The following PBX1 variants were observed in gnomAD, a reference collection of about 807,000 sequenced individuals.
PBX1 encodes PBX homeobox 1.
PBX1 carries 6 observed loss-of-function variants against 53.4 expected under a neutral mutation model. The observed-to-expected ratio is 0.11, with a 90% CI of 0.06 to 0.22. The LOEUF (loss-of-function observed/expected upper bound fraction) is 0.22, where lower values mean the gene tolerates loss of function less well. Among genes scored for constraint, PBX1 ranks in the 10% least tolerant of loss-of-function variants. The probability of loss-of-function intolerance (pLI) is 1.00; values close to 1 mark genes in which losing one functional copy is unlikely to be tolerated. For missense variants in PBX1, 251 were observed against 551.4 expected, an observed-to-expected ratio of 0.46 and a Z score of 5.46; for synonymous variants, 204 against 212.3, an observed-to-expected ratio of 0.96 and a Z score of 0.34.
intron 2 of PBX1, among the ~76,000 whole-genome samples, chr1:164,587,083 G>A (rs1248185689): frequency 6.6e-6 from 1 of 152,158 alleles, no homozygotes; most frequent in Non-Finnish European, 1.5e-5. Flanking sequence ...ATAGGGTGTT[G>A]TTTGTGTGTG....
intron 2 of PBX1, among the ~76,000 whole-genome samples, chr1:164,563,707 A>G (rs1448131131): frequency 2.0e-5 from 3 of 152,124 alleles, no homozygotes; most frequent in African/African-American, 7.2e-5. Context: ...GGGGTGCTAA[A>G]CTGTTGAAAG....
intron 2 of PBX1, among the ~76,000 whole-genome samples, chr1:164,635,371 A>T (rs1013967836): frequency 9.2e-5 from 14 of 152,186 alleles, no homozygotes; most frequent in Admixed American, 2.6e-4. Context: ...AAAGCAGTCA[A>T]ATGCAAAGCA....
chr1:164,854,921 A>G (rs1265442813), downstream of PBX1, among the ~76,000 whole-genome samples: 1 of 146,712 alleles, frequency 6.8e-6, no homozygotes, highest in African/African-American at 2.5e-5. Flanking sequence ...AGCTCACCAG[A>G]GTTATCCTCC....
chr1:164,599,304 CT>C (rs1360242342), intron 2 of PBX1, among the ~76,000 whole-genome samples: 1 of 151,682 alleles, frequency 6.6e-6, no homozygotes, highest in African/African-American at 2.4e-5. Context: ...AGGTATAATT[CT>C]TTCTTAATAG....
intron 2 of PBX1, among the ~76,000 whole-genome samples, chr1:164,644,127 T>TAG (rs1446324837): frequency 3.3e-5 from 5 of 152,344 alleles, no homozygotes; most frequent in African/African-American, 1.2e-4. Flanking sequence ...TTTGGCATCA[T>TAG]GCTTCTAATA....
chr1:164,802,640 G>A (rs1322084149), intron 4 of PBX1, among the ~76,000 whole-genome samples: 1 of 152,126 alleles, frequency 6.6e-6, no homozygotes, highest in Non-Finnish European at 1.5e-5. Context: ...TAGAGTTTTG[G>A]AATTCTGTCC....
Position 164,881,375 on chromosome 1 carries a change from AG to A in PBX1, n.258-17811del, listed in dbSNP as rs376569771. Reference sequence around the variant, plus strand: ...AAGGAAGGAAGGAGGAAAAGAAGGAAGGAAGGAAGGAAGGAAGGAAGGAGGA... The same window carrying A: ...AAGGAAGGAAGGAGGAAAAGAAGGAAGAAGGAAGGAAGGAAGGAAGGAGGA... On this transcript the variant is annotated intron_variant and non_coding_transcript_variant, in intron 2 of 2. Coordinates refer to the PBX1 transcript ENST00000558796. Among the ~76,000 whole-genome samples the A allele has an allele frequency of 9.3e-4, 20 of 21,430 alleles. 3 individuals carry two copies. Among genetic ancestry groups the A allele is most frequent in the Admixed American group, 7.7e-4 (1 of 1,296 alleles). 14.1% of individuals were successfully genotyped at this position (21,430 alleles called of 152,430 possible). A position where few individuals can be genotyped will look rare whatever the true frequency, so the allele number is the denominator to read the frequency against.
At chr1:164,830,440 G>A (rs1670698011) in intron 8 of PBX1, among the ~76,000 whole-genome samples, 1 of 152,062 alleles carries the variant, frequency 6.6e-6, no homozygotes. Context: ...AATAAATAGA[G>A]CTCTTTATTA....
At chr1:164,776,934 TG>T (rs1667686019) in intron 2 of PBX1, among the ~76,000 whole-genome samples, 5 of 56,106 alleles carry the variant, frequency 8.9e-5, no homozygotes, top group East Asian at 1.4e-3. Flanking sequence ...TGTGTGTGTG[TG>T]GTGGGAGGAG....
chr1:164,697,175 T>G (rs1390032871), intron 2 of PBX1, among the ~76,000 whole-genome samples: 1 of 152,212 alleles, frequency 6.6e-6, no homozygotes, highest in African/African-American at 2.4e-5. Flanking sequence ...ATCTATAAAG[T>G]ATGTATTTTC....
chr1:164,685,830 C>T (rs957734517), intron 2 of PBX1, among the ~76,000 whole-genome samples: 2 of 152,174 alleles, frequency 1.3e-5, no homozygotes, highest in African/African-American at 4.8e-5. Flanking sequence ...TAAGTGCATT[C>T]TATACACACA....
chr1:164,841,532 C>T (rs924848124), intron 8 of PBX1, among the ~76,000 whole-genome samples: 4 of 152,114 alleles, frequency 2.6e-5, no homozygotes, highest in East Asian at 1.9e-4. Context: ...ATACCCAGAC[C>T]GGGCCTGGAT....
chr1:164,640,556 GTGTT>G (rs1659066439), intron 2 of PBX1, among the ~76,000 whole-genome samples: 2 of 30,664 alleles, frequency 6.5e-5, no homozygotes, highest in Non-Finnish European at 1.1e-4. Flanking sequence ...TTTTTTTTTT[GTGTT>G]TTTTTTTTTT....
chr1:164,846,697 G>A lies in PBX1; in HGVS notation c.*21G>A, dbSNP rs750663535. The A allele has an allele frequency of 1.2e-5, 19 of 1,613,864 alleles. No individual in the cohort carries two copies. Among genetic ancestry groups the A allele is most frequent in the Admixed American group, 3.3e-5 (2 of 60,000 alleles). ...ACTGATCTCCCAGCAATCGCATCCC[G>A]GCTGACCCTGTGCCCCAGTTGGGGC... On this transcript the variant is annotated 3_prime_UTR_variant, in exon 9 of 9. Coordinates refer to ENST00000420696, the MANE Select transcript of PBX1 (RefSeq NM_002585.4).
chr1:164,603,924 ATTTCATTTTTT>A (rs1350531777), intron 2 of PBX1, among the ~76,000 whole-genome samples: 8 of 78,310 alleles, frequency 1.0e-4, no homozygotes, highest in East Asian at 1.0e-3. Flanking sequence ...ACATTATGTC[ATTTCATTTTTT>A]TTTTTTTTTT....
At chr1:164,794,230 C>T (rs1248160802) in intron 3 of PBX1, among the ~76,000 whole-genome samples, 2 of 152,150 alleles carry the variant, frequency 1.3e-5, no homozygotes, top group Non-Finnish European at 2.9e-5. Flanking sequence ...GGTAGAAGAC[C>T]TTGTGCAGTC....
At chr1:164,654,745 A>G (rs1365110168) in intron 2 of PBX1, among the ~76,000 whole-genome samples, 2 of 152,240 alleles carry the variant, frequency 1.3e-5, no homozygotes, top group Non-Finnish European at 1.5e-5. Flanking sequence ...TTTAAGGCCT[A>G]TTCAGAAAGG....
chr1:164,751,365 T>C (rs577342617), intron 2 of PBX1, among the ~76,000 whole-genome samples: 2 of 152,136 alleles, frequency 1.3e-5, no homozygotes, highest in South Asian at 2.1e-4. Flanking sequence ...CTCAGTCTTT[T>C]ATGAATGTGT....
chr1:164,706,986 T>C (rs1304246395), intron 2 of PBX1, among the ~76,000 whole-genome samples: 5 of 152,196 alleles, frequency 3.3e-5, no homozygotes, highest in African/African-American at 1.2e-4. Flanking sequence ...GTGTTTGTCC[T>C]GAGTTAGTGG....
Sources: gnomAD v4.1 joint callset for allele counts (sites outside exome capture counted in the v4.1 genomes callset) on GRCh38, gnomAD v4.1.1 for gene constraint, MANE v1.5 for transcripts, NCBI Gene and HGNC (gene_info 2026-07-23, HGNC 2026-07-21) for gene names.